Variants in ITGA8 observed in about 807,000 individuals in gnomAD.
The protein encoded by ITGA8 is integrin subunit alpha 8.
ITGA8 carries 91 observed loss-of-function variants against 142.3 expected under a neutral mutation model. That is an observed-to-expected ratio of 0.64 (90% CI 0.54 to 0.76). The LOEUF (loss-of-function observed/expected upper bound fraction) is 0.76. ITGA8 is among the 30% of genes least tolerant of loss of function. The probability of loss-of-function intolerance (pLI) is 0.00; values close to 1 mark genes in which losing one functional copy is unlikely to be tolerated. For missense variants in ITGA8, 1,406 were observed against 1,327.7 expected (o/e 1.06, Z -0.92); for synonymous variants, 505 against 485.2 (o/e 1.04, Z -0.54).
intron 21 of ITGA8, among the ~76,000 whole-genome samples, chr10:15,594,172 AT>A (rs886547996): frequency 4.0e-5 from 6 of 151,712 alleles, no homozygotes; most frequent in Non-Finnish European, 7.4e-5. Flanking sequence ...CAAAGGAGCA[AT>A]TTTCTGTCAG....
At chr10:15,632,278 A>C (rs1400428431) in intron 13 of ITGA8, among the ~76,000 whole-genome samples, 1 of 152,170 alleles carries the variant, frequency 6.6e-6, no homozygotes, top group Non-Finnish European at 1.5e-5. Flanking sequence ...GGGAGTCAGA[A>C]ATAAGGCAGA....
At chr10:15,683,542 T>A (rs372450417) in intron 4 of ITGA8, among the ~76,000 whole-genome samples, 1 of 152,202 alleles carries the variant, frequency 6.6e-6, no homozygotes. Context: ...AGGCATATCA[T>A]GCAGACAATC....
intron 13 of ITGA8, among the ~76,000 whole-genome samples, chr10:15,637,063 T>C (rs540429033): frequency 7.2e-5 from 11 of 152,288 alleles, no homozygotes; most frequent in African/African-American, 2.4e-4. Context: ...GAGAATCCCT[T>C]GAACCTGGGC....
chr10:15,597,284 T>C lies in ITGA8; in HGVS notation c.2134A>G (p.Ser712Gly). The change falls in exon 21 of 30, where the codon AGC (serine) becomes GGC (glycine). Residue 712 changes from serine to glycine, a missense_variant. Coordinates refer to ENST00000378076, the MANE Select transcript of ITGA8 (RefSeq NM_003638.3). ...ACATTTTCCATCTTGTACTCACAGC[T>C]CAGTGGTCGAAATCCCTACAATTGC... ...ERNNKGFRPLSCEYKMENVTR... is the reference protein window; with the variant it reads ...ERNNKGFRPLGCEYKMENVTR... 2 of 1,613,922 alleles carry C rather than the reference T, an allele frequency of 1.2e-6. No homozygotes were observed. The highest frequency in any genetic ancestry group is 1.7e-6 in the Non-Finnish European group (2 of 1,179,864).
chr10:15,551,659 C>T (rs796658618), intron 26 of ITGA8, among the ~76,000 whole-genome samples: 1 of 152,124 alleles, frequency 6.6e-6, no homozygotes, highest in South Asian at 2.1e-4. Context: ...AAATTTTGAT[C>T]CCAACACAGG....
At chr10:15,535,812 G>A (rs561751111) in intron 27 of ITGA8, among the ~76,000 whole-genome samples, 48 of 152,208 alleles carry the variant, frequency 3.2e-4, no homozygotes, top group Admixed American at 2.3e-3. Context: ...CACTGTGGCA[G>A]GTTTGTTCTT....
At position 15,660,851 on chromosome 10, in the gene ITGA8, A is replaced by G. The variant is rs1264125614; in HGVS notation, c.891+28T>C. On this transcript the variant is annotated intron_variant, in intron 9 of 29. Transcript: ENST00000378076. ...GAGCACCTATACAAGAAAATACCCTATTCCTGTAATGCATTCTCAGTACTC... is the reference window on the plus strand; with the variant it reads ...GAGCACCTATACAAGAAAATACCCTGTTCCTGTAATGCATTCTCAGTACTC... The G allele has an allele frequency of 5.7e-6, 9 of 1,582,914 alleles. No individual in the cohort carries two copies. The East Asian group carries it at 1.3e-4, about 24-fold the overall frequency.
intron 11 of ITGA8, among the ~76,000 whole-genome samples, chr10:15,652,917 C>G (rs1034904261): frequency 6.6e-6 from 1 of 152,188 alleles, no homozygotes; most frequent in African/African-American, 2.4e-5. Flanking sequence ...AACAGCGAAG[C>G]CTGAGCTGGT....
chr10:15,533,719 C>T (rs59882383), intron 27 of ITGA8, among the ~76,000 whole-genome samples: 1 of 152,084 alleles, frequency 6.6e-6, no homozygotes, highest in East Asian at 1.9e-4. Context: ...AGATGGAACG[C>T]TTTTCTCTTA....
intron 14 of ITGA8, among the ~76,000 whole-genome samples, chr10:15,615,889 C>T (rs564590778): frequency 2.6e-5 from 4 of 152,160 alleles, no homozygotes; most frequent in Admixed American, 6.5e-5. Flanking sequence ...GTACACCACA[C>T]GCATATTCTC....
chr10:15,679,501 G>T (rs1478191545), intron 4 of ITGA8, among the ~76,000 whole-genome samples: 1 of 152,154 alleles, frequency 6.6e-6, no homozygotes, highest in Non-Finnish European at 1.5e-5. Context: ...AGAATCTCTT[G>T]AACCCAGGAG....
At chr10:15,529,936 C>T (rs1833255582) in intron 28 of ITGA8, among the ~76,000 whole-genome samples, 1 of 152,170 alleles carries the variant, frequency 6.6e-6, no homozygotes, top group Non-Finnish European at 1.5e-5. Context: ...GATGCTGATG[C>T]CATTGATCTG....
At chr10:15,693,059 T>C in intron 2 of ITGA8, among the ~76,000 whole-genome samples, 1 of 152,060 alleles carries the variant, frequency 6.6e-6, no homozygotes. Context: ...AAAGTAAGAC[T>C]CTGTCTCAAA....
At chr10:15,590,412 C>G (rs1472639868) in intron 22 of ITGA8, among the ~76,000 whole-genome samples, 2 of 152,178 alleles carry the variant, frequency 1.3e-5, no homozygotes. Flanking sequence ...TCTTTTGTAA[C>G]TTCAACCAAG....
intron 3 of ITGA8, among the ~76,000 whole-genome samples, chr10:15,684,954 A>G (rs911567133): frequency 1.3e-5 from 2 of 152,132 alleles, no homozygotes; most frequent in Non-Finnish European, 2.9e-5. Flanking sequence ...GCATCTTATG[A>G]CTTTTAAACA....
intron 2 of ITGA8, among the ~76,000 whole-genome samples, chr10:15,704,753 A>G (rs1261717469): frequency 6.6e-6 from 1 of 152,224 alleles, no homozygotes; most frequent in Admixed American, 6.5e-5. Context: ...CATCTCAGGA[A>G]GGTGACTCAC....
intron 13 of ITGA8, among the ~76,000 whole-genome samples, chr10:15,631,158 C>T (rs879562617): frequency 7.2e-5 from 11 of 152,012 alleles, no homozygotes; most frequent in South Asian, 2.1e-4. Context: ...GACAGTGTGG[C>T]GATTCCTCAA....
At chr10:15,563,836 G>A (rs1834026731) in intron 25 of ITGA8, among the ~76,000 whole-genome samples, 1 of 151,926 alleles carries the variant, frequency 6.6e-6, no homozygotes, top group Non-Finnish European at 1.5e-5. Flanking sequence ...AGAGGTGCTT[G>A]AACCTCGGAG....
chr10:15,518,106 G>C (rs896982543), intron 29 of ITGA8, among the ~76,000 whole-genome samples: 1 of 152,150 alleles, frequency 6.6e-6, no homozygotes, highest in Non-Finnish European at 1.5e-5. Flanking sequence ...CTTTCCAAAG[G>C]TTAGCCAGAA....
Sources: gnomAD v4.1 joint callset for allele counts (sites outside exome capture counted in the v4.1 genomes callset) on GRCh38, gnomAD v4.1.1 for gene constraint, MANE v1.5 for transcripts, NCBI Gene and HGNC (gene_info 2026-07-23, HGNC 2026-07-21) for gene names.